The following HEPACAM2 variants were observed in gnomAD, a reference collection of about 807,000 sequenced individuals.
The protein encoded by HEPACAM2 is HEPACAM family member 2.
HEPACAM2 carries 49 observed loss-of-function variants against 49.6 expected under a neutral mutation model. That is an observed-to-expected ratio of 0.99 (90% confidence interval 0.78 to 1.25). The LOEUF (loss-of-function observed/expected upper bound fraction) is 1.25. Ranked by LOEUF, HEPACAM2 falls within the 50% of genes most tolerant of loss-of-function variation. The probability of loss-of-function intolerance (pLI) is 0.00; values close to 1 mark genes in which losing one functional copy is unlikely to be tolerated. For missense variants in HEPACAM2, 525 were observed against 557.2 expected, an observed-to-expected ratio of 0.94 and a Z score of 0.58; for synonymous variants, 197 against 202.9, an observed-to-expected ratio of 0.97 and a Z score of 0.25.
chr7:93,208,949 T>G, intron 3 of HEPACAM2, 73 bp from the exon 4 acceptor site: 1 of 1,319,486 alleles, frequency 7.6e-7, no homozygotes, highest in South Asian at 1.6e-5. Flanking sequence ...TGGGAGAGCT[T>G]AGTAGCATTT....
rs781506679 is a variant in HEPACAM2 at position 93,208,699 on chromosome 7, C to T, written c.893G>A (p.Arg298His). The T allele has an allele frequency of 1.5e-5, 25 of 1,613,060 alleles. No individual in the cohort carries two copies. Among genetic ancestry groups the T allele is most frequent in the South Asian group, 1.3e-4 (12 of 91,060 alleles). Residue 298 changes from arginine to histidine, a missense_variant, in exon 4 of 10, where the codon CGC (arginine) becomes CAC (histidine). Arg to His is a conservative substitution (Grantham distance 29, BLOSUM62 0). Coordinates refer to ENST00000394468, the MANE Select transcript of HEPACAM2 (RefSeq NM_001039372.4). ...TACTTTCTCAGATGCAACTTCTAAGCGAGGCCCATGCTTAATGATATATGT... is the reference window on the plus strand; with the variant it reads ...TACTTTCTCAGATGCAACTTCTAAGTGAGGCCCATGCTTAATGATATATGT... ...NTTYIIKHGP[R>H]LEVASEKVAQ...
chr7:93,217,005 T>C (rs918755892), intron 2 of HEPACAM2, among the ~76,000 whole-genome samples: 1 of 152,146 alleles, frequency 6.6e-6, no homozygotes, highest in Non-Finnish European at 1.5e-5. Flanking sequence ...AGGTAACTTA[T>C]GGGGGAGTCG....
intron 4 of HEPACAM2, among the ~76,000 whole-genome samples, chr7:93,205,849 A>G (rs555127639): frequency 1.7e-4 from 26 of 152,270 alleles, no homozygotes; most frequent in South Asian, 1.0e-3. Flanking sequence ...TAGCTCTAAA[A>G]GCCACAAAGA....
chr7:93,230,252 G>C (rs567869668), upstream of HEPACAM2, among the ~76,000 whole-genome samples: 2 of 152,152 alleles, frequency 1.3e-5, no homozygotes, highest in South Asian at 2.1e-4. Context: ...GAAAATTCCG[G>C]GGTTGAATCT....
rs1273402841 is a variant in HEPACAM2 at position 93,219,410 on chromosome 7, C to A, written c.121G>T (p.Val41Phe). ...AGGGCCTGACCTCTGACGCCATGGA[C>A]AGTGTGTGATGGCACTGTCACCTTC... ...GLKVTVPSHT[V>F]HGVRGQALYL... is the part of the protein sequence containing the mutation. The change falls in exon 2 of 10, where the codon GTC becomes TTC. Residue 41 changes from valine (V) to phenylalanine (F), a missense_variant. Coordinates refer to ENST00000394468, the MANE Select transcript of HEPACAM2 (RefSeq NM_001039372.4). 8 of 1,613,824 alleles carry A rather than the reference C, an allele frequency of 5.0e-6. No individual in the cohort carries two copies. Among genetic ancestry groups the A allele is most frequent in the African/African-American group, 1.3e-5 (1 of 74,892 alleles).
At chr7:93,210,647 T>G (rs1038561103) in intron 3 of HEPACAM2, among the ~76,000 whole-genome samples, 1 of 151,900 alleles carries the variant, frequency 6.6e-6, no homozygotes, top group African/African-American at 2.4e-5. Flanking sequence ...GTATGAGACA[T>G]TCATATTCTT....
At chr7:93,218,400 A>G (rs992581806) in intron 2 of HEPACAM2, among the ~76,000 whole-genome samples, 10 of 152,090 alleles carry the variant, frequency 6.6e-5, no homozygotes, top group Non-Finnish European at 1.0e-4. Flanking sequence ...GGTAAAGCCA[A>G]TAGGCTTTCC....
chr7:93,223,459 A>G (rs1400312131), intron 1 of HEPACAM2, among the ~76,000 whole-genome samples: 2 of 152,168 alleles, frequency 1.3e-5, no homozygotes, highest in East Asian at 1.9e-4. Context: ...CTGAGAAAAA[A>G]TAACACTACA....
intron 8 of HEPACAM2, among the ~76,000 whole-genome samples, chr7:93,193,831 C>T (rs1793616813): frequency 1.3e-5 from 2 of 152,144 alleles, no homozygotes; most frequent in African/African-American, 4.8e-5. Context: ...TATCACCTTT[C>T]CTTCTTTTCT....
upstream of HEPACAM2, among the ~76,000 whole-genome samples, chr7:93,231,071 A>C (rs1794618633): frequency 6.6e-6 from 1 of 152,198 alleles, no homozygotes; most frequent in Non-Finnish European, 1.5e-5. Context: ...AAGGGGTGAG[A>C]AAATAGAATT....
chr7:93,225,833 T>TA, intron 1 of HEPACAM2: 1 of 798,484 alleles, frequency 1.3e-6, no homozygotes, highest in Non-Finnish European at 1.9e-6. Context: ...TCTTTTCAAA[T>TA]ACGTTCTCCC....
chr7:93,192,193 G>T, intron 9 of HEPACAM2, 61 bp downstream of exon 9: 1 of 1,250,110 alleles, frequency 8.0e-7, no homozygotes, highest in Non-Finnish European at 1.2e-6. Flanking sequence ...CAGTTCTGGG[G>T]AAAGCAAAAG....
rs1276622071 is a variant in HEPACAM2 at position 93,226,367 on chromosome 7, C to G, written c.79+1G>C. ...AAAACACAATTCACACAGGGCCTTA[C>G]CGAAGAGAAGGAGGTATATTTTGCA... On this transcript the variant is annotated splice_donor_variant, in intron 1 of 9. Transcript: ENST00000394468. LOFTEE classifies it high-confidence loss of function. 3 of 1,607,248 alleles carry G rather than the reference C, an allele frequency of 1.9e-6. No homozygotes were observed. The highest frequency in any genetic ancestry group is 2.6e-6 in the Non-Finnish European group (3 of 1,174,444).
chr7:93,228,327 A>G (rs1046835473), upstream of HEPACAM2, among the ~76,000 whole-genome samples: 1 of 152,226 alleles, frequency 6.6e-6, no homozygotes. Flanking sequence ...TAAATGCCAT[A>G]TGAATCTTAC....
intron 4 of HEPACAM2, among the ~76,000 whole-genome samples, chr7:93,204,111 C>T (rs1793964415): frequency 6.6e-6 from 1 of 152,056 alleles, no homozygotes; most frequent in South Asian, 2.1e-4. Flanking sequence ...AGTCTTTTTC[C>T]TGTTCTCTTC....
chr7:93,217,818 T>C (rs1359930229), intron 2 of HEPACAM2, among the ~76,000 whole-genome samples: 2 of 151,666 alleles, frequency 1.3e-5, no homozygotes, highest in Non-Finnish European at 2.9e-5. Context: ...AGAAGCAGAA[T>C]TGGAGATAGA....
intron 3 of HEPACAM2, among the ~76,000 whole-genome samples, chr7:93,213,498 A>T (rs1478621861): frequency 6.6e-6 from 1 of 152,150 alleles, no homozygotes. Context: ...AAGCACTATA[A>T]TGAAGAAGCT....
intron 1 of HEPACAM2, among the ~76,000 whole-genome samples, chr7:93,222,657 A>T (rs1403453333): frequency 6.6e-6 from 1 of 152,198 alleles, no homozygotes; most frequent in African/African-American, 2.4e-5. Context: ...TTGGTCAGTT[A>T]TGTGACCTTA....
At chr7:93,194,127 C>A (rs1793623732) in intron 8 of HEPACAM2, among the ~76,000 whole-genome samples, 1 of 152,046 alleles carries the variant, frequency 6.6e-6, no homozygotes, top group Non-Finnish European at 1.5e-5. Flanking sequence ...TAATTAAAGC[C>A]CCTATTTCTC....
Sources: gnomAD v4.1 joint callset for allele counts (sites outside exome capture counted in the v4.1 genomes callset) on GRCh38, gnomAD v4.1.1 for gene constraint, MANE v1.5 for transcripts, NCBI Gene and HGNC (gene_info 2026-07-23, HGNC 2026-07-21) for gene names.